The following ENGASE variants were observed in gnomAD, a reference collection of about 807,000 sequenced individuals.
ENGASE encodes cytosolic endo-beta-N-acetylglucosaminidase.
In ENGASE, 69 loss-of-function variants were observed where a neutral mutation model predicts 78.5. The ratio of observed to expected loss-of-function variants is 0.88; its 90% CI spans 0.72 to 1.07. The LOEUF is 1.07. Among genes scored for constraint, ENGASE ranks in the 50% least tolerant of loss-of-function variants. The pLI, the probability that ENGASE is intolerant of heterozygous loss-of-function variation, is 0.00. For missense variants in ENGASE, 943 were observed against 988.4 expected, an observed-to-expected ratio of 0.95 and a Z score of 0.62; for synonymous variants, 408 against 408.9, an observed-to-expected ratio of 1.00 and a Z score of 0.03.
At position 79,085,972 on chromosome 17, in the gene ENGASE, G is replaced by A. The variant is rs1168020471; in HGVS notation, c.1855G>A (p.Val619Met). ...CAGCCTGCTGGCCCCTCTGCCCCAG[G>A]TGCAGGCCGTCACCATCTCTCACAT... ...AASLLAPLPQVQAVTISHIRW... is the reference protein window; with the variant it reads ...AASLLAPLPQMQAVTISHIRW... Residue 619 changes from valine to methionine, a missense_variant, in exon 14 of 14, where the codon GTG becomes ATG. Coordinates refer to ENST00000579016, the MANE Select transcript of ENGASE (RefSeq NM_001042573.3). The A allele has an allele frequency of 2.5e-6, 4 of 1,606,580 alleles. No homozygotes were observed. Among genetic ancestry groups the A allele is most frequent in the Non-Finnish European group, 3.4e-6 (4 of 1,179,452 alleles).
chr17:79,085,565 C>T (rs941154517), intron 12 of ENGASE, 55 bp from the exon 13 acceptor site: 1 of 1,601,682 alleles, frequency 6.2e-7, no homozygotes, highest in Non-Finnish European at 8.5e-7. Flanking sequence ...CTGGACGGCT[C>T]ACCCTGGAGC....
At chr17:79,084,951 G>A (rs745707615) in intron 11 of ENGASE, among the ~76,000 whole-genome samples, 5 of 152,176 alleles carry the variant, frequency 3.3e-5, no homozygotes, top group Non-Finnish European at 5.9e-5. Context: ...GACCTGAGCT[G>A]CACAGCCTTG....
Position 79,087,058 on chromosome 17 carries a change from C to A in ENGASE, c.*709C>A. On this transcript the variant is annotated 3_prime_UTR_variant, in exon 14 of 14. Coordinates refer to ENST00000579016, the MANE Select transcript of ENGASE (RefSeq NM_001042573.3). ...GCGTTTTCAGCAGCCCCTGGCTCTG[C>A]GGCGTCTCTTCCGGGCTGTGGGCAT... is the stretch of plus-strand genomic sequence containing the variant. 1 of 474,108 alleles carries A rather than the reference C, an allele frequency of 2.1e-6. No individual in the cohort carries two copies. The allele number at this position is 474,108 out of a possible 1,614,324, so 29.4% of individuals were successfully genotyped here.
chr17:79,083,831 T>C lies in ENGASE; in HGVS notation c.1322T>C (p.Leu441Pro), dbSNP rs1252018613. The change falls in exon 10 of 14, where the codon CTG (leucine) becomes CCG (proline). Residue 441 changes from leucine to proline, a missense_variant. Physicochemically the swap from Leu to Pro is moderately conservative, Grantham distance 98. Coordinates refer to ENST00000579016, the MANE Select transcript of ENGASE (RefSeq NM_001042573.3). The surrounding 1 kb of genome is among the most constrained non-coding windows in gnomAD (Gnocchi z 4.9). ...CAGCCCTTGTTTGGAGAACACAGGC[T>C]GGGAGGGGATGGCCGGGGCTGGGTG... Reference protein sequence around the residue: ...EIQPLFGEHRLGGDGRGWVRT... With the variant: ...EIQPLFGEHRPGGDGRGWVRT... 7 of 1,612,748 alleles carry C rather than the reference T, an allele frequency of 4.3e-6. No homozygotes were observed. Among genetic ancestry groups the C allele is most frequent in the Non-Finnish European group, 5.1e-6 (6 of 1,179,734 alleles).
At chr17:79,075,420 G>A (rs746991232) in intron 1 of ENGASE, among the ~76,000 whole-genome samples, 1 of 152,218 alleles carries the variant, frequency 6.6e-6, no homozygotes, top group Non-Finnish European at 1.5e-5. Flanking sequence ...TGGTCTATGC[G>A]GAAGATCCCG....
intron 6 of ENGASE, 28 bp from the exon 7 acceptor site, chr17:79,081,870 C>G: frequency 3.8e-6 from 6 of 1,593,030 alleles, no homozygotes; most frequent in Non-Finnish European, 5.1e-6. Flanking sequence ...GGGCCTGGGC[C>G]TCACAGCAGG....
In ENGASE at chr17:79,079,570, C is replaced by T. The variant is rs1234544895; in HGVS notation, c.498C>T (p.His166=). The stretch of plus-strand genomic sequence containing the variant: ...TCGACGTCTTTGTGTACTTCAGCCA[C>T]CACACCGTCACCATTCCCCCAGTGG... The part of the protein sequence containing the change: ...QCIDVFVYFS[H]HTVTIPPVGW... Residue 166 remains histidine (H), a synonymous_variant, in exon 4 of 14, where the codon CAC becomes CAT. Transcript: ENST00000579016. The T allele has an allele frequency of 1.9e-6, 3 of 1,614,104 alleles. No individual in the cohort carries two copies. The highest frequency in any genetic ancestry group is 1.7e-5 in the Admixed American group (1 of 60,032).
intron 10 of ENGASE, 158 bp from the exon 11 acceptor site, chr17:79,084,380 G>A: frequency 1.5e-6 from 1 of 681,548 alleles, no homozygotes; most frequent in Non-Finnish European, 2.4e-6. Context: ...CCTTGGGGGA[G>A]GACTTGTCCC....
intron 4 of ENGASE, 138 bp from the exon 5 acceptor site, chr17:79,080,069 G>A (rs543317797): frequency 9.3e-6 from 8 of 859,574 alleles, no homozygotes; most frequent in East Asian, 2.7e-5. Flanking sequence ...TCTGATTCAC[G>A]GGATATATGG....
chr17:79,080,819 G>A (rs2073110718), intron 5 of ENGASE, 106 bp from the exon 6 acceptor site: 15 of 1,447,694 alleles, frequency 1.0e-5, no homozygotes, highest in African/African-American at 1.4e-5. Context: ...AGCTTCGCCT[G>A]TGGGTCTGTT....
chr17:79,075,224 G>A, intron 1 of ENGASE, 134 bp downstream of exon 1: 2 of 1,053,810 alleles, frequency 1.9e-6, no homozygotes, highest in Non-Finnish European at 2.4e-6. Context: ...GCACAGTAAG[G>A]GACAGAGGGT....
Position 79,079,471 on chromosome 17 carries a change from TTC to T in ENGASE, c.417-16_417-15del, listed in dbSNP as rs1478904755. 1.2e-6 allele frequency: 2 copies of T among 1,610,522 alleles called. No individual in the cohort carries two copies. The highest frequency in any genetic ancestry group is 1.7e-5 in the Admixed American group (1 of 59,490). ...GCATGAGCTGCCGTGGCCAGCCCTG[TTC>T]TGTTTCTTTCCCCAGGTTCATTCAG... On this transcript the variant is annotated splice_polypyrimidine_tract_variant and intron_variant, in intron 3 of 13. Coordinates refer to ENST00000579016, the MANE Select transcript of ENGASE (RefSeq NM_001042573.3).
At chr17:79,082,551 C>T in intron 7 of ENGASE, 19 of 1,222,386 alleles carry the variant, frequency 1.6e-5, no homozygotes, top group Non-Finnish European at 2.0e-5. Context: ...GGAGCGGGGC[C>T]AGGCCGGTGC....
Position 79,087,386 on chromosome 17 carries a change from G to C in ENGASE, c.*1037G>C, listed in dbSNP as rs2073349533. The C allele has an allele frequency of 4.1e-6, 1 of 243,192 alleles. No homozygotes were observed. Among genetic ancestry groups the C allele is most frequent in the African/African-American group, 2.2e-5 (1 of 44,980 alleles). The allele number at this position is 243,192 out of a possible 1,614,324, so 15.1% of individuals were successfully genotyped here. A position where few individuals can be genotyped will look rare whatever the true frequency, so the allele number is the denominator to read the frequency against. The stretch of plus-strand genomic sequence containing the variant: ...CACAGGTGCGTGGGGGCGTGAGGGA[G>C]GCAGGGTCTTCACCACAGGCGCCTT... On this transcript the variant is annotated 3_prime_UTR_variant, in exon 14 of 14. Transcript: ENST00000579016.
At chr17:79,079,366 C>A in intron 3 of ENGASE, 123 bp from the exon 4 acceptor site, 1 of 1,101,410 alleles carries the variant, frequency 9.1e-7, no homozygotes, top group Non-Finnish European at 1.3e-6. Flanking sequence ...TGGGGTTTTG[C>A]CATGTTGCCC....
At position 79,083,272 on chromosome 17, in the gene ENGASE, G is replaced by A; in HGVS notation, c.1142+149G>A. 2.7e-6 allele frequency: 2 copies of A among 734,614 alleles called. No homozygotes were observed. Among genetic ancestry groups the A allele is most frequent in the Non-Finnish European group, 2.2e-6 (1 of 449,488 alleles). 45.5% of individuals were successfully genotyped at this position (734,614 alleles called of 1,614,324 possible). The stretch of plus-strand genomic sequence containing the variant: ...TGACAGGGGAGGAAGCCAGCACCCT[G>A]GCTGCTTCCGGGCAGGGACCAAACC... On this transcript the variant is annotated intron_variant, in intron 8 of 13. Coordinates refer to ENST00000579016, the MANE Select transcript of ENGASE (RefSeq NM_001042573.3). This position sits in a 1 kb window ranked among gnomAD's most constrained non-coding sequence, Gnocchi z 4.9.
intron 1 of ENGASE, chr17:79,075,671 TC>T (rs2072951978): frequency 1.0e-6 from 1 of 984,774 alleles, no homozygotes; most frequent in African/African-American, 1.8e-5. Flanking sequence ...CCCGGTAAAC[TC>T]CCCCTCAGTA....
At position 79,080,960 on chromosome 17, in the gene ENGASE, G is replaced by T. The variant is rs202174993; in HGVS notation, c.759G>T (p.Arg253=). 70 of 1,613,384 alleles carry T rather than the reference G, an allele frequency of 4.3e-5. No homozygotes were observed. The highest frequency in any genetic ancestry group is 2.8e-4 in the Admixed American group (17 of 59,984). Residue 253 remains arginine, a synonymous_variant, in exon 6 of 14, where the codon CGG becomes CGT. Coordinates refer to ENST00000579016, the MANE Select transcript of ENGASE (RefSeq NM_001042573.3). ...TGGGGAACATGCCTCCTTTCCTGCG[G>T]TACCTCACCACACAGCTGCACCGGC... The part of the protein sequence containing the change: ...AAVGNMPPFL[R]YLTTQLHRQV...
intron 1 of ENGASE, among the ~76,000 whole-genome samples, chr17:79,077,008 G>A (rs1357652451): frequency 1.3e-5 from 2 of 152,198 alleles, no homozygotes; most frequent in Non-Finnish European, 2.9e-5. Flanking sequence ...CAAGGTGCTG[G>A]GATTACAGGC....
Sources: allele counts gnomAD v4.1 joint callset (sites outside exome capture counted in the v4.1 genomes callset), GRCh38; gene constraint gnomAD v4.1.1; non-coding constraint Gnocchi (gnomAD v3.1); transcripts MANE v1.5; gene names NCBI Gene and HGNC (gene_info 2026-07-23, HGNC 2026-07-21).